ARHGAP10: variants seen among roughly 807,000 people sequenced by gnomAD.
The protein encoded by ARHGAP10 is Rho GTPase activating protein 10, also known as rho GTPase-activating protein 10.
In ARHGAP10, 87 loss-of-function variants were observed where a neutral mutation model predicts 108.6. The ratio of observed to expected loss-of-function variants is 0.80; its 90% CI spans 0.67 to 0.96. The LOEUF is 0.96. Ranked by LOEUF, ARHGAP10 falls within the 40% of genes least tolerant of loss-of-function variation. The pLI is 0.00. For synonymous variants in ARHGAP10, 347 were observed against 341.1 expected, an observed-to-expected ratio of 1.02 and a Z score of -0.19; for missense variants, 939 against 954.5, an observed-to-expected ratio of 0.98 and a Z score of 0.21.
chr4:147,797,455 T>G (rs1487670115), intron 1 of ARHGAP10, among the ~76,000 whole-genome samples: 1 of 152,086 alleles, frequency 6.6e-6, no homozygotes, highest in Admixed American at 6.6e-5. Flanking sequence ...GGAGATGAAG[T>G]AGGCTGGAGT....
rs778679784 is a variant in ARHGAP10 at position 147,866,832 on chromosome 4, CT to C, written c.702+19del. 85 of 1,551,556 alleles carry C rather than the reference CT, an allele frequency of 5.5e-5. No individual in the cohort carries two copies. The highest frequency in any genetic ancestry group is 7.1e-5 in the Non-Finnish European group (80 of 1,132,178). ...CATTCAGAATGTAAGGAAGTGAAAG[CT>C]TTCTTTATAAAAAGATGTTTGAAAA... On this transcript the variant is annotated intron_variant, in intron 7 of 22. Transcript: ENST00000336498.
intron 4 of ARHGAP10, among the ~76,000 whole-genome samples, chr4:147,856,503 C>T (rs1357148741): frequency 6.6e-6 from 1 of 152,198 alleles, no homozygotes; most frequent in Non-Finnish European, 1.5e-5. Context: ...GAAAATTCCA[C>T]ACCTGGCCTC....
intron 18 of ARHGAP10, 64 bp from the exon 19 acceptor site, chr4:148,023,199 C>G (rs771561484): frequency 6.4e-6 from 10 of 1,565,610 alleles, no homozygotes; most frequent in Non-Finnish European, 8.7e-6. Flanking sequence ...TGCTGGTTTA[C>G]TGGAGTAACA....
Position 148,032,340 on chromosome 4 carries a change from C to G in ARHGAP10, c.1867+8927C>G, listed in dbSNP as rs948007692. On this transcript the variant is annotated intron_variant, in intron 19 of 22. Coordinates refer to ENST00000336498, the MANE Select transcript of ARHGAP10 (RefSeq NM_024605.4). ...CAATTTCAACTGTCCCCCCCCCCCCCCCCCCCATATTGTAGGCCAAACGTT... is the reference window on the plus strand; with the variant it reads ...CAATTTCAACTGTCCCCCCCCCCCCGCCCCCCATATTGTAGGCCAAACGTT... Among the ~76,000 whole-genome samples, 19 of 74,588 alleles carry G rather than the reference C, an allele frequency of 2.5e-4. 2 individuals carry two copies. The highest frequency in any genetic ancestry group is 0.01 in the Middle Eastern group (2 of 196). 48.9% of individuals were successfully genotyped at this position (74,588 alleles called of 152,430 possible).
chr4:147,971,219 A>ATG (rs1739394706), intron 18 of ARHGAP10, among the ~76,000 whole-genome samples: 1 of 151,982 alleles, frequency 6.6e-6, no homozygotes, highest in South Asian at 2.1e-4. Context: ...AAGGATTTTC[A>ATG]AATTGGGGTT....
At chr4:147,816,275 A>T (rs1296049416) in intron 1 of ARHGAP10, among the ~76,000 whole-genome samples, 2 of 152,184 alleles carry the variant, frequency 1.3e-5, no homozygotes, top group East Asian at 3.8e-4. Flanking sequence ...CAGTCCCCAC[A>T]TCACTCCTGA....
intron 1 of ARHGAP10, among the ~76,000 whole-genome samples, chr4:147,757,683 T>G (rs1729436587): frequency 6.6e-6 from 1 of 152,352 alleles, no homozygotes; most frequent in East Asian, 1.9e-4. Flanking sequence ...GTGAGTGTCC[T>G]CAGCTTCACC....
At chr4:148,051,849 T>A (rs1729152546) in intron 20 of ARHGAP10, among the ~76,000 whole-genome samples, 2 of 152,238 alleles carry the variant, frequency 1.3e-5, no homozygotes, top group Non-Finnish European at 2.9e-5. Flanking sequence ...CATCATATAC[T>A]TTGTGTGCAC....
intron 16 of ARHGAP10, among the ~76,000 whole-genome samples, chr4:147,961,859 C>T (rs529248484): frequency 3.9e-5 from 6 of 152,120 alleles, no homozygotes; most frequent in South Asian, 2.1e-4. Context: ...CTGATGACAT[C>T]GTACCTCCCT....
At chr4:147,833,334 G>T (rs557560884) in intron 3 of ARHGAP10, among the ~76,000 whole-genome samples, 56 of 152,270 alleles carry the variant, frequency 3.7e-4, no homozygotes, top group African/African-American at 1.2e-3. Context: ...TTTAAAAGTG[G>T]CAGTTTACCC....
chr4:147,880,370 A>G (rs73853987), intron 9 of ARHGAP10, among the ~76,000 whole-genome samples: 6,458 of 152,338 alleles, frequency 0.042, 433 homozygotes, highest in African/African-American at 0.15. Flanking sequence ...ACACATTTAT[A>G]TAATAATGAA....
chr4:147,877,182 A>AT (rs1028574387), intron 8 of ARHGAP10, among the ~76,000 whole-genome samples: 6 of 151,292 alleles, frequency 4.0e-5, no homozygotes, highest in Non-Finnish European at 7.4e-5. Flanking sequence ...CTAAGCTTAA[A>AT]TTTTTTTTGG....
intron 1 of ARHGAP10, among the ~76,000 whole-genome samples, chr4:147,755,240 A>C (rs1245597944): frequency 6.6e-6 from 1 of 152,108 alleles, no homozygotes; most frequent in Non-Finnish European, 1.5e-5. Flanking sequence ...TTCTCATTAA[A>C]ATTTTTACTT....
At chr4:147,764,942 A>G (rs770983165) in intron 1 of ARHGAP10, among the ~76,000 whole-genome samples, 1 of 152,216 alleles carries the variant, frequency 6.6e-6, no homozygotes, top group Non-Finnish European at 1.5e-5. Context: ...ATTTTGGGCC[A>G]TGGAACCCTT....
intron 10 of ARHGAP10, among the ~76,000 whole-genome samples, chr4:147,887,154 T>A (rs2126880295): frequency 6.6e-6 from 1 of 152,296 alleles, no homozygotes; most frequent in Admixed American, 6.5e-5. Context: ...TCCTGATGAC[T>A]TTGTGTCCTA....
chr4:147,790,751 TGGTC>T (rs1731085491), intron 1 of ARHGAP10, among the ~76,000 whole-genome samples: 1 of 152,254 alleles, frequency 6.6e-6, no homozygotes, highest in South Asian at 2.1e-4. Context: ...AGTTTCCTTC[TGGTC>T]GTGTCTTTCC....
At chr4:147,962,722 G>C (rs1739046890) in intron 16 of ARHGAP10, among the ~76,000 whole-genome samples, 1 of 152,056 alleles carries the variant, frequency 6.6e-6, no homozygotes, top group Non-Finnish European at 1.5e-5. Context: ...TGTTGCCCAG[G>C]CTGGAGTGCA....
chr4:148,062,650 A>G (rs1336278796), intron 20 of ARHGAP10, among the ~76,000 whole-genome samples: 1 of 152,202 alleles, frequency 6.6e-6, no homozygotes, highest in Non-Finnish European at 1.5e-5. Context: ...TTGGTTTCGA[A>G]GTCTTTGGCC....
chr4:147,998,629 T>C (rs1740571320), intron 18 of ARHGAP10, among the ~76,000 whole-genome samples: 1 of 152,238 alleles, frequency 6.6e-6, no homozygotes. Flanking sequence ...GTTTAGGTCG[T>C]TTTCATCCCT....
Sources: allele counts gnomAD v4.1 joint callset (sites outside exome capture counted in the v4.1 genomes callset), GRCh38; gene constraint gnomAD v4.1.1; transcripts MANE v1.5; gene names NCBI Gene and HGNC (gene_info 2026-07-23, HGNC 2026-07-21).